ASAP2: variants seen among roughly 807,000 people sequenced by gnomAD.
ASAP2 encodes the protein ArfGAP with SH3 domain, ankyrin repeat and PH domain 2.
Under a neutral mutation model 131.4 loss-of-function variants are expected in ASAP2, and 45 were observed. The ratio of observed to expected loss-of-function variants is 0.34; its 90% CI spans 0.27 to 0.44. The LOEUF (loss-of-function observed/expected upper bound fraction) is 0.44. Among genes scored for constraint, ASAP2 ranks in the 20% least tolerant of loss-of-function variants. The probability of loss-of-function intolerance (pLI) is 1.00; values close to 1 mark genes in which losing one functional copy is unlikely to be tolerated. For synonymous variants in ASAP2, 510 were observed against 503.0 expected (o/e 1.01, Z -0.19); for missense variants, 1,011 against 1,297.0 (o/e 0.78, Z 3.39).
In ASAP2 at chr2:9,393,519, G is replaced by A. The variant is rs1675880640; in HGVS notation, c.2556G>A (p.Lys852=). 2.5e-6 allele frequency: 4 copies of A among 1,604,126 alleles called. No homozygotes were observed. The highest frequency in any genetic ancestry group is 3.4e-6 in the Non-Finnish European group (4 of 1,176,006). ...LTPTPPPPVA[K]TPSVMEALSQ... ...CCACGCCGCCCCCACCCGTTGCCAA[G>A]ACGCCCAGCGTAATGGAAGCCTTGA... The change falls in exon 24 of 28, where the codon AAG becomes AAA. Residue 852 remains lysine, a synonymous_variant. Coordinates refer to ENST00000281419, the MANE Select transcript of ASAP2 (RefSeq NM_003887.3).
Position 9,361,782 on chromosome 2 carries a change from C to G in ASAP2, c.1461+2893C>G, listed in dbSNP as rs1296085644. Among the ~76,000 whole-genome samples the G allele has an allele frequency of 3.9e-5, 6 of 152,086 alleles. No homozygotes were observed. The South Asian group carries it at 8.3e-4, about 21-fold the overall frequency. On this transcript the variant is annotated intron_variant, in intron 15 of 27. Coordinates refer to ENST00000281419, the MANE Select transcript of ASAP2 (RefSeq NM_003887.3). Reference sequence around the variant, plus strand: ...GGTCTTTCGCCATGTCCAGGCTGGTCTCGAACTCCTGGACCCAAGTGATCC... The same window carrying G: ...GGTCTTTCGCCATGTCCAGGCTGGTGTCGAACTCCTGGACCCAAGTGATCC...
chr2:9,401,461 A>G, intron 27 of ASAP2, 65 bp downstream of exon 27: 5 of 1,577,158 alleles, frequency 3.2e-6, no homozygotes, highest in Non-Finnish European at 4.3e-6. Context: ...ACCTGGCTGG[A>G]GAGACGGGCT....
At chr2:9,296,880 G>T (rs1373872039) in intron 2 of ASAP2, among the ~76,000 whole-genome samples, 1 of 152,220 alleles carries the variant, frequency 6.6e-6, no homozygotes, top group Non-Finnish European at 1.5e-5. Context: ...AGAAGGAGCT[G>T]CTGTGTGGGG....
chr2:9,271,092 CCT>C (rs1666359094), intron 1 of ASAP2, among the ~76,000 whole-genome samples: 1 of 144,484 alleles, frequency 6.9e-6, no homozygotes, highest in African/African-American at 2.6e-5. Flanking sequence ...CGCGCCCGGC[CCT>C]GTTTTCATTT....
At chr2:9,312,161 C>T (rs1396073207) in intron 3 of ASAP2, among the ~76,000 whole-genome samples, 2 of 152,228 alleles carry the variant, frequency 1.3e-5, no homozygotes, top group Non-Finnish European at 2.9e-5. Flanking sequence ...TAAGGACCCT[C>T]ATGTTCTTTT....
chr2:9,360,585 G>C (rs1673014685), intron 15 of ASAP2, among the ~76,000 whole-genome samples: 1 of 152,160 alleles, frequency 6.6e-6, no homozygotes, highest in Admixed American at 6.6e-5. Flanking sequence ...TTTGCAACCT[G>C]CCTGTTCTCA....
chr2:9,234,313 T>C (rs924320438), intron 1 of ASAP2, among the ~76,000 whole-genome samples: 2 of 152,098 alleles, frequency 1.3e-5, no homozygotes, highest in African/African-American at 4.8e-5. Flanking sequence ...ATAACCAGAC[T>C]GCCTAGAGAC....
At chr2:9,215,602 G>T (rs1661961819) in intron 1 of ASAP2, among the ~76,000 whole-genome samples, 1 of 149,254 alleles carries the variant, frequency 6.7e-6, no homozygotes, top group African/African-American at 2.5e-5. Context: ...TCCAATCCAA[G>T]TTTATGGACC....
intron 21 of ASAP2, among the ~76,000 whole-genome samples, 155 bp downstream of exon 21, chr2:9,385,513 C>T (rs1675194457): frequency 6.6e-6 from 1 of 152,168 alleles, no homozygotes; most frequent in South Asian, 2.1e-4. Context: ...CTTGGTTTTA[C>T]CCTTCCCACT....
At chr2:9,310,237 C>T (rs893128172) in intron 3 of ASAP2, among the ~76,000 whole-genome samples, 3 of 152,172 alleles carry the variant, frequency 2.0e-5, no homozygotes, top group African/African-American at 4.8e-5. Context: ...CATTTCAAAG[C>T]GTCTTTTCTA....
At chr2:9,279,818 A>G (rs954993638) in intron 2 of ASAP2, among the ~76,000 whole-genome samples, 1 of 152,210 alleles carries the variant, frequency 6.6e-6, no homozygotes, top group African/African-American at 2.4e-5. Flanking sequence ...AAATGAATAA[A>G]TAGACAAACA....
At chr2:9,345,901 TG>T (rs1671933259) in intron 11 of ASAP2, among the ~76,000 whole-genome samples, 2 of 151,968 alleles carry the variant, frequency 1.3e-5, no homozygotes, top group South Asian at 4.2e-4. Flanking sequence ...TGTGTTCCTC[TG>T]GGGGTGCCTT....
intron 20 of ASAP2, among the ~76,000 whole-genome samples, chr2:9,384,685 G>C (rs138185439): frequency 1.3e-5 from 2 of 152,372 alleles, no homozygotes; most frequent in East Asian, 3.9e-4. Flanking sequence ...CGTAGGGCAA[G>C]GTGTGGGGGA....
rs553667559 is a variant in ASAP2, at chr2:9,364,680, A to G, written c.1462-3745A>G. Among the ~76,000 whole-genome samples, 4 of 152,356 alleles carry G rather than the reference A, an allele frequency of 2.6e-5. No individual in the cohort carries two copies. In the East Asian group the frequency reaches 7.7e-4, roughly 29 times the overall value. ...CTGATCTGAAAGAGAGCATGTGGAG[A>G]GGAAAGCTCCTCAAAGACGAAGAAC... On this transcript the variant is annotated intron_variant, in intron 15 of 27. Transcript: ENST00000281419.
intron 15 of ASAP2, among the ~76,000 whole-genome samples, chr2:9,362,362 G>C (rs1331556593): frequency 6.6e-6 from 1 of 152,148 alleles, no homozygotes; most frequent in Non-Finnish European, 1.5e-5. Context: ...AACAGCCTCT[G>C]TTTCAGGGTG....
chr2:9,258,673 C>T (rs898619506), intron 1 of ASAP2, among the ~76,000 whole-genome samples: 4 of 152,174 alleles, frequency 2.6e-5, no homozygotes, highest in African/African-American at 4.8e-5. Flanking sequence ...GCGAAACCCC[C>T]GGAAGCTGCT....
chr2:9,377,046 G>A lies in ASAP2; in HGVS notation c.1832+53G>A, dbSNP rs79997117. 142 of 1,475,044 alleles carry A rather than the reference G, an allele frequency of 9.6e-5. No individual in the cohort carries two copies. In the East Asian group the frequency reaches 3.2e-3, roughly 33 times the overall value. The allele number at this position is 1,475,044 out of a possible 1,614,324, so 91.4% of individuals were successfully genotyped here. Reference sequence around the variant, plus strand: ...CTCGTTTTCTCCTTGGTATTTCTGGGGAAGGAATCGGACGCTGCCTCATCG... The same window carrying A: ...CTCGTTTTCTCCTTGGTATTTCTGGAGAAGGAATCGGACGCTGCCTCATCG... On this transcript the variant is annotated intron_variant, in intron 18 of 27. Transcript: ENST00000281419.
intron 2 of ASAP2, among the ~76,000 whole-genome samples, chr2:9,287,380 T>G (rs1667533022): frequency 6.6e-6 from 1 of 152,244 alleles, no homozygotes; most frequent in Admixed American, 6.5e-5. Flanking sequence ...ATAAGGTTGT[T>G]GTTTCATTAT....
intron 3 of ASAP2, among the ~76,000 whole-genome samples, chr2:9,317,474 C>CA (rs1491149693): frequency 1.4e-5 from 2 of 145,596 alleles, no homozygotes; most frequent in Non-Finnish European, 3.0e-5. Flanking sequence ...ACCTTATACT[C>CA]AGTCACTTAC....
Sources: allele counts gnomAD v4.1 joint callset (sites outside exome capture counted in the v4.1 genomes callset), GRCh38; gene constraint gnomAD v4.1.1; transcripts MANE v1.5; gene names NCBI Gene and HGNC (gene_info 2026-07-23, HGNC 2026-07-21).